SMIM35: variants seen among roughly 807,000 people sequenced by gnomAD.
SMIM35 encodes the protein small integral membrane protein 35.
At chr11:118,064,901 A>G (rs576351613) in intron 1 of SMIM35, among the ~76,000 whole-genome samples, 2 of 152,284 alleles carry the variant, frequency 1.3e-5, no homozygotes, top group African/African-American at 4.8e-5. Context: ...CGCCTGGCGG[A>G]ATTGTGCTGG....
At chr11:118,070,456 C>T (rs147205282) in intron 1 of SMIM35, among the ~76,000 whole-genome samples, 368 of 152,268 alleles carry the variant, frequency 2.4e-3, no homozygotes, top group African/African-American at 8.2e-3. Context: ...GGATTACAGC[C>T]GTGAGCCACC....
At chr11:118,086,199 A>G (rs1246131625) in intron 1 of SMIM35, among the ~76,000 whole-genome samples, 2 of 152,236 alleles carry the variant, frequency 1.3e-5, no homozygotes, top group African/African-American at 2.4e-5. Context: ...CCCCAGCCCT[A>G]TCTGAACCTA....
chr11:118,033,621 G>A (rs1050661384), intron 1 of SMIM35, among the ~76,000 whole-genome samples: 2 of 152,162 alleles, frequency 1.3e-5, no homozygotes, highest in Non-Finnish European at 2.9e-5. Flanking sequence ...AAGGGTGAAC[G>A]CAGATTTTGG....
chr11:118,084,763 C>A (rs1487432039), intron 1 of SMIM35, among the ~76,000 whole-genome samples: 1 of 152,214 alleles, frequency 6.6e-6, no homozygotes, highest in African/African-American at 2.4e-5. Flanking sequence ...TAATTCTCAC[C>A]AACAACCCTG....
chr11:118,058,990 G>C (rs1944357358), intron 1 of SMIM35: 1 of 152,302 alleles, frequency 6.6e-6, no homozygotes, highest in Admixed American at 6.5e-5. Context: ...GCTGGGGGAG[G>C]CCTCCCACCA....
In SMIM35 at chr11:118,020,196, G is replaced by A. The variant is rs556133391; in HGVS notation, c.8-4387C>T. 2.1e-4 allele frequency among the ~76,000 whole-genome samples: 32 copies of A among 152,346 alleles called. 1 individual carries two copies. Among genetic ancestry groups the A allele is most frequent in the African/African-American group, 7.0e-4 (29 of 41,584 alleles). On this transcript the variant is annotated intron_variant, in intron 1 of 4. Transcript: ENST00000689828. ...CAGGAGAATTACTTGAACCCAGGCA[G>A]CAGAGGTTGCAGTGAGCCAAGATCG...
At chr11:118,083,827 C>G (rs998511915) in intron 1 of SMIM35, among the ~76,000 whole-genome samples, 12 of 152,042 alleles carry the variant, frequency 7.9e-5, no homozygotes, top group African/African-American at 2.9e-4. Flanking sequence ...CCGAAAAGGG[C>G]AGATCACATG....
intron 1 of SMIM35, chr11:118,025,667 A>G (rs1395156188): frequency 2.2e-6 from 1 of 446,154 alleles, no homozygotes; most frequent in South Asian, 1.6e-5. Context: ...AGATTGCCCA[A>G]GTTCCTTATA....
At chr11:118,031,098 G>GA (rs994121086) in intron 1 of SMIM35, among the ~76,000 whole-genome samples, 18 of 152,210 alleles carry the variant, frequency 1.2e-4, no homozygotes, top group African/African-American at 3.9e-4. Flanking sequence ...CACACTGTTG[G>GA]AAAAAAGAGT....
chr11:118,013,792 C>T lies in SMIM35; in HGVS notation c.247G>A (p.Gly83Arg), dbSNP rs2058162192. 5.0e-6 allele frequency: 2 copies of T among 398,946 alleles called. No individual in the cohort carries two copies. Among genetic ancestry groups the T allele is most frequent in the South Asian group, 1.3e-4 (1 of 7,864 alleles). 24.7% of individuals were successfully genotyped at this position (398,946 alleles called of 1,614,324 possible). The change falls in exon 4 of 5, where the codon GGG becomes AGG. Residue 83 changes from glycine to arginine, a missense_variant. Transcript: ENST00000689828. ...TTGCTGTCTCTGCATCAGACTAGCC[C>T]GTTGGAGAACTTCATGTAGCCACCA... ...TDGGYMKFSN[G>R]LV
intron 1 of SMIM35, among the ~76,000 whole-genome samples, chr11:118,024,978 A>G (rs573699643): frequency 2.0e-5 from 3 of 152,034 alleles, no homozygotes; most frequent in Admixed American, 6.6e-5. Context: ...GTCCATATGT[A>G]CCCAGTGTTA....
At position 118,013,436 on chromosome 11, in the gene SMIM35, A is replaced by G. The variant is rs1194765050; in HGVS notation, c.*33+312T>C. Among the ~76,000 whole-genome samples, 3 of 152,188 alleles carry G rather than the reference A, an allele frequency of 2.0e-5. No homozygotes were observed. In the South Asian group the frequency reaches 6.2e-4, roughly 32 times the overall value. ...GAGATATTGGCCATCTGGAAATTTT[A>G]TCTCAGAGCAAGAGTTAAGATAAAA... On this transcript the variant is annotated intron_variant, in intron 4 of 4. Transcript: ENST00000689828.
chr11:118,071,054 C>T (rs751790466), intron 1 of SMIM35, among the ~76,000 whole-genome samples: 31 of 152,224 alleles, frequency 2.0e-4, no homozygotes, highest in Admixed American at 6.5e-4. Flanking sequence ...GACTTCTTTC[C>T]ACAGGCAAAA....
At chr11:118,049,043 G>C (rs1247191556) in intron 1 of SMIM35, among the ~76,000 whole-genome samples, 2 of 147,708 alleles carry the variant, frequency 1.4e-5, no homozygotes, top group Non-Finnish European at 3.0e-5. Context: ...TTTTAAGTAA[G>C]AGCGCTATTT....
rs527708395 is a variant in SMIM35 at position 118,011,623 on chromosome 11, C to T, written c.*33+2125G>A. 4.0e-4 allele frequency among the ~76,000 whole-genome samples: 61 copies of T among 152,200 alleles called. 1 individual carries two copies. Among genetic ancestry groups the T allele is most frequent in the African/African-American group, 9.6e-4 (40 of 41,540 alleles). On this transcript the variant is annotated intron_variant, in intron 4 of 4. Transcript: ENST00000689828. ...AGGAGGATCCTTTGAACCTGGGAGA[C>T]GGAGGTTGCAGTGAGCCAAGATCCC...
At chr11:118,025,709 T>C (rs533503444) in intron 1 of SMIM35, 1 of 453,994 alleles carries the variant, frequency 2.2e-6, no homozygotes, top group South Asian at 1.6e-5. Flanking sequence ...GTTGGATGCA[T>C]AGTTTGTGAA....
intron 4 of SMIM35, among the ~76,000 whole-genome samples, chr11:118,010,779 C>T (rs1181755274): frequency 2.6e-5 from 4 of 152,188 alleles, no homozygotes; most frequent in East Asian, 1.9e-4. Context: ...CAGGGGAACC[C>T]GGACCAGCCA....
At chr11:118,068,354 C>G (rs1191571844) in intron 1 of SMIM35, among the ~76,000 whole-genome samples, 3 of 152,104 alleles carry the variant, frequency 2.0e-5, no homozygotes, top group Non-Finnish European at 4.4e-5. Flanking sequence ...TCTGTGTGCT[C>G]TTTCCTCTTA....
intron 1 of SMIM35, among the ~76,000 whole-genome samples, chr11:118,068,125 G>C (rs935687658): frequency 6.6e-6 from 1 of 151,800 alleles, no homozygotes; most frequent in Non-Finnish European, 1.5e-5. Context: ...CATAACTGGA[G>C]CCATGTATGA....
Sources: gnomAD v4.1 joint callset for allele counts (sites outside exome capture counted in the v4.1 genomes callset) on GRCh38, gnomAD v4.1.1 for gene constraint, MANE v1.5 for transcripts, NCBI Gene and HGNC (gene_info 2026-07-23, HGNC 2026-07-21) for gene names.